MOGAT3: variants seen among roughly 807,000 people sequenced by gnomAD.
MOGAT3 encodes 2-acylglycerol O-acyltransferase 3.
MOGAT3 carries 39 observed loss-of-function variants against 34.4 expected under a neutral mutation model. The ratio of observed to expected loss-of-function variants is 1.13; its 90% confidence interval spans 0.88 to 1.48. The LOEUF (loss-of-function observed/expected upper bound fraction) is 1.48, where lower values mean the gene tolerates loss of function less well. Among genes scored for constraint, MOGAT3 ranks in the 40% most tolerant of loss-of-function variants. The probability of loss-of-function intolerance (pLI) is 0.00; values close to 1 mark genes in which losing one functional copy is unlikely to be tolerated. For missense variants in MOGAT3, 439 were observed against 438.9 expected, an observed-to-expected ratio of 1.00 and a Z score of 0.00; for synonymous variants, 209 against 179.2, an observed-to-expected ratio of 1.17 and a Z score of -1.33.
chr7:101,195,729 T>G lies in MOGAT3; in HGVS notation c.*217A>C. The G allele has an allele frequency of 1.7e-6, 1 of 575,684 alleles. No individual in the cohort carries two copies. The highest frequency in any genetic ancestry group is 3.1e-6 in the Non-Finnish European group (1 of 325,500). The allele number at this position is 575,684 out of a possible 1,614,324, so 35.7% of individuals were successfully genotyped here. Reference sequence around the variant, plus strand: ...GCTAATTAACAACATTATTTTTTAATTTTTGTAGAAATGAAGTCTCACTGT... The same window carrying G: ...GCTAATTAACAACATTATTTTTTAAGTTTTGTAGAAATGAAGTCTCACTGT... On this transcript the variant is annotated 3_prime_UTR_variant, in exon 7 of 7. Transcript: ENST00000223114.
rs139195256 is a variant in MOGAT3, at chr7:101,196,194, G to A, written c.864C>T (p.Thr288=). The A allele has an allele frequency of 8.9e-4, 1,397 of 1,575,546 alleles. 1 individual carries two copies. The highest frequency in any genetic ancestry group is 1.2e-3 in the Non-Finnish European group (1,355 of 1,160,284). The change falls in exon 6 of 7, where the codon ACC becomes ACT. Residue 288 remains threonine (T), a synonymous_variant. Coordinates refer to ENST00000223114, the MANE Select transcript of MOGAT3 (RefSeq NM_178176.4). ...WGLLPFAVPI[T]TVVGRPIPVP... is the part of the protein sequence containing the mutation. ...CCGGAGGTGGGCACTCACCCACAGT[G>A]GTGATGGGCACAGCAAAGGGCAGCA...
At position 101,196,366 on chromosome 7, in the gene MOGAT3, G is replaced by C. The variant is rs995900898; in HGVS notation, c.692C>G (p.Ser231Cys). The change falls in exon 6 of 7, where the codon TCC becomes TGC. Residue 231 changes from serine to cysteine, a missense_variant. Transcript: ENST00000223114. ...TCTAAAGATGTCATTCTCCCCAAAG[G>C]AGTACACGGGCACCAGGGACGCCCT... ...RHGASLVPVY[S>C]FGENDIFRLK... 4 of 1,612,704 alleles carry C rather than the reference G, an allele frequency of 2.5e-6. No homozygotes were observed. The highest frequency in any genetic ancestry group is 3.4e-6 in the Non-Finnish European group (4 of 1,179,210).
At chr7:101,197,598 G>T (rs750076542) in intron 5 of MOGAT3, among the ~76,000 whole-genome samples, 7 of 152,010 alleles carry the variant, frequency 4.6e-5, no homozygotes, top group Non-Finnish European at 1.0e-4. Context: ...AGCCCTCTTC[G>T]CAAGTAAAGA....
At chr7:101,193,898 T>G (rs531508044), downstream of MOGAT3, among the ~76,000 whole-genome samples, 1 of 152,326 alleles carries the variant, frequency 6.6e-6, no homozygotes, top group African/African-American at 2.4e-5. Flanking sequence ...TCCAATTACA[T>G]TTCAATGAGT....
intron 5 of MOGAT3, among the ~76,000 whole-genome samples, chr7:101,197,622 G>A (rs957981659): frequency 1.3e-5 from 2 of 152,140 alleles, no homozygotes; most frequent in African/African-American, 4.8e-5. Context: ...AAGTCCGGCC[G>A]GGCACGGTGG....
intron 5 of MOGAT3, among the ~76,000 whole-genome samples, chr7:101,197,619 G>A (rs1797827452): frequency 1.3e-5 from 2 of 152,278 alleles, no homozygotes; most frequent in Non-Finnish European, 2.9e-5. Context: ...AACAAGTCCG[G>A]CCGGGCACGG....
Position 101,195,862 on chromosome 7 carries a change from C to A in MOGAT3, c.*84G>T. ...GGCACTGCGCTGGGCCCAGAACTAC[C>A]TTTTATTGGAGGCATGGAGTCCACA... is the stretch of plus-strand genomic sequence containing the variant. On this transcript the variant is annotated 3_prime_UTR_variant, in exon 7 of 7. Coordinates refer to ENST00000223114, the MANE Select transcript of MOGAT3 (RefSeq NM_178176.4). The A allele has an allele frequency of 6.7e-7, 1 of 1,482,436 alleles. No individual in the cohort carries two copies. Among genetic ancestry groups the A allele is most frequent in the Non-Finnish European group, 9.3e-7 (1 of 1,070,944 alleles). 91.8% of individuals were successfully genotyped at this position (1,482,436 alleles called of 1,614,324 possible).
At chr7:101,198,134 T>A in intron 5 of MOGAT3, 57 bp downstream of exon 5, 1 of 1,551,532 alleles carries the variant, frequency 6.4e-7, no homozygotes, top group Non-Finnish European at 8.7e-7. Context: ...GTCTGGGGAC[T>A]GAGAGAGGGC....
At chr7:101,192,971 G>C (rs1021097638), downstream of MOGAT3, among the ~76,000 whole-genome samples, 5 of 150,156 alleles carry the variant, frequency 3.3e-5, no homozygotes, top group East Asian at 9.7e-4. Context: ...CCAGCTACTC[G>C]GGAGGCTGAG....
At chr7:101,193,032 C>A (rs79560696), downstream of MOGAT3, among the ~76,000 whole-genome samples, 26,264 of 152,014 alleles carry the variant, frequency 0.17, 3,473 homozygotes, top group African/African-American at 0.37. Context: ...CAGCGGAGAT[C>A]GCGCCACTGC....
At chr7:101,200,650 C>T in intron 1 of MOGAT3, 96 bp downstream of exon 1, 1 of 1,298,804 alleles carries the variant, frequency 7.7e-7, no homozygotes, top group Non-Finnish European at 1.1e-6. Flanking sequence ...CACCTGGTCA[C>T]TGTCCTCAGG....
In MOGAT3 at chr7:101,195,353, T is replaced by C. The variant is rs1040217872; in HGVS notation, c.*593A>G. On this transcript the variant is annotated 3_prime_UTR_variant, in exon 7 of 7. Transcript: ENST00000223114. ...CCTCAGCCTCCGGAGTAGCTGGGATTATAGGCATGAGCCACCATGCCCGGC... is the reference window on the plus strand; with the variant it reads ...CCTCAGCCTCCGGAGTAGCTGGGATCATAGGCATGAGCCACCATGCCCGGC... 2 of 152,368 alleles carry C rather than the reference T, an allele frequency of 1.3e-5. No individual in the cohort carries two copies. Among genetic ancestry groups the C allele is most frequent in the African/African-American group, 4.9e-5 (2 of 41,006 alleles). The allele number at this position is 152,368 out of a possible 1,614,324, so 9.4% of individuals were successfully genotyped here. A position where few individuals can be genotyped will look rare whatever the true frequency, so the allele number is the denominator to read the frequency against.
chr7:101,200,359 C>A (rs780404868), intron 2 of MOGAT3, 49 bp downstream of exon 2: 5 of 1,610,690 alleles, frequency 3.1e-6, no homozygotes, highest in African/African-American at 1.3e-5. Context: ...CCCCTCACCC[C>A]CCATGTCCCC....
At chr7:101,198,512 AGGCT>A in intron 4 of MOGAT3, 110 bp downstream of exon 4, 1 of 1,284,366 alleles carries the variant, frequency 7.8e-7, no homozygotes, top group Non-Finnish European at 1.1e-6. Context: ...GGCAGTGCTC[AGGCT>A]GGCCCCTGTC....
chr7:101,198,286 CA>C lies in MOGAT3; in HGVS notation c.572del (p.Val191GlyfsTer30). 6.2e-7 allele frequency: 1 copy of C among 1,607,926 alleles called. No individual in the cohort carries two copies. The highest frequency in any genetic ancestry group is 8.5e-7 in the Non-Finnish European group (1 of 1,176,602). ...PQLGQAVVIM[V>X]GGAHEALYSV... Reference sequence around the variant, plus strand: ...AATACAGGGCCTCGTGCGCACCCCCCACCATGATGACCACGGCCTGCCCGAG... The same window carrying C: ...AATACAGGGCCTCGTGCGCACCCCCCCCATGATGACCACGGCCTGCCCGAG... On this transcript the variant is annotated frameshift_variant, in exon 5 of 7. Transcript: ENST00000223114. LOFTEE classifies it high-confidence loss of function.
chr7:101,200,316 G>A lies in MOGAT3; in HGVS notation c.218-12C>T, dbSNP rs1797919209. ...CGAACGCCTTCCACCTGCGGACAAT[G>A]AGATACTGGTGGACGAACCCCCGGA... On this transcript the variant is annotated splice_polypyrimidine_tract_variant and intron_variant, in intron 2 of 6. Coordinates refer to ENST00000223114, the MANE Select transcript of MOGAT3 (RefSeq NM_178176.4). 4 of 1,613,822 alleles carry A rather than the reference G, an allele frequency of 2.5e-6. No individual in the cohort carries two copies. The highest frequency in any genetic ancestry group is 3.4e-6 in the Non-Finnish European group (4 of 1,179,782).
In MOGAT3 at chr7:101,196,313, G is replaced by T. The variant is rs761264401; in HGVS notation, c.745C>A (p.Gln249Lys). Reference sequence around the variant, plus strand: ...TTGAAGGTGAGCTGGCACCAATGCTGCCAGGAGCCTGTGGCAAAAGCCTTA... The same window carrying T: ...TTGAAGGTGAGCTGGCACCAATGCTTCCAGGAGCCTGTGGCAAAAGCCTTA... ...RLKAFATGSW[Q>K]HWCQLTFKKL... The change falls in exon 6 of 7, where the codon CAG becomes AAG. Residue 249 changes from glutamine to lysine, a missense_variant. Transcript: ENST00000223114. 2 of 1,614,028 alleles carry T rather than the reference G, an allele frequency of 1.2e-6. No individual in the cohort carries two copies. The highest frequency in any genetic ancestry group is 1.7e-6 in the Non-Finnish European group (2 of 1,179,950).
intron 2 of MOGAT3, 36 bp downstream of exon 2, chr7:101,200,372 C>T: frequency 1.2e-6 from 2 of 1,610,434 alleles, no homozygotes; most frequent in Non-Finnish European, 1.7e-6. Context: ...ATGTCCCCAC[C>T]ATCTCTGGCT....
downstream of MOGAT3, among the ~76,000 whole-genome samples, chr7:101,193,488 G>A (rs765875465): frequency 6.6e-6 from 1 of 152,236 alleles, no homozygotes; most frequent in Admixed American, 6.5e-5. Context: ...GGAGTGCAGC[G>A]GTGCAATCTC....
Sources: allele counts gnomAD v4.1 joint callset (sites outside exome capture counted in the v4.1 genomes callset), GRCh38; gene constraint gnomAD v4.1.1; transcripts MANE v1.5; gene names NCBI Gene and HGNC (gene_info 2026-07-23, HGNC 2026-07-21).